The following XRN2 variants were observed in gnomAD, a reference collection of about 807,000 sequenced individuals.
XRN2 encodes the protein 5'-3' exoribonuclease 2.
XRN2 carries 44 observed loss-of-function variants against 138.5 expected under a neutral mutation model. The observed-to-expected ratio is 0.32, with a 90% CI of 0.25 to 0.41. The LOEUF is 0.41. Among genes scored for constraint, XRN2 ranks in the 10% least tolerant of loss-of-function variants. The pLI is 1.00. For missense variants in XRN2, 937 were observed against 1,169.3 expected, an observed-to-expected ratio of 0.80 and a Z score of 2.90; for synonymous variants, 354 against 369.4, an observed-to-expected ratio of 0.96 and a Z score of 0.48.
rs1251483812 is a variant in XRN2, at chr20:21,389,257, T to C, written c.2788-16T>C. ...ATCGGTCCAGAAAATAAACTCTTTCTTTTGTTTATTTTCAGGGATATCCCA... is the reference window on the plus strand; with the variant it reads ...ATCGGTCCAGAAAATAAACTCTTTCCTTTGTTTATTTTCAGGGATATCCCA... On this transcript the variant is annotated splice_polypyrimidine_tract_variant and intron_variant, in intron 29 of 29. Coordinates refer to ENST00000377191, the MANE Select transcript of XRN2 (RefSeq NM_012255.5). The C allele has an allele frequency of 1.9e-6, 3 of 1,608,880 alleles. No individual in the cohort carries two copies. In the African/African-American group the frequency reaches 4.0e-5, roughly 22 times the overall value.
intron 13 of XRN2, 110 bp downstream of exon 13, chr20:21,334,295 T>C (rs2038256447): frequency 1.2e-6 from 1 of 847,194 alleles, no homozygotes; most frequent in South Asian, 1.7e-5. Context: ...CATTATGGTG[T>C]GTCAACACTA....
chr20:21,303,346 T>C lies in XRN2; in HGVS notation c.-53T>C. 5 of 1,536,862 alleles carry C rather than the reference T, an allele frequency of 3.3e-6. No homozygotes were observed. The highest frequency in any genetic ancestry group is 1.2e-5 in the South Asian group (1 of 82,766). On this transcript the variant is annotated 5_prime_UTR_variant, in exon 1 of 30. Coordinates refer to ENST00000377191, the MANE Select transcript of XRN2 (RefSeq NM_012255.5). ...GGTGCCCTCTGCCGCTGCTCCCGTCTCTTTGGTTACGCTCGTCAGCCGGTC... is the reference window on the plus strand; with the variant it reads ...GGTGCCCTCTGCCGCTGCTCCCGTCCCTTTGGTTACGCTCGTCAGCCGGTC...
At position 21,357,716 on chromosome 20, in the gene XRN2, C is replaced by T. The variant is rs1213642472; in HGVS notation, c.2199-20C>T. 11 of 1,571,360 alleles carry T rather than the reference C, an allele frequency of 7.0e-6. No homozygotes were observed. In the African/African-American group the frequency reaches 1.1e-4, roughly 16 times the overall value. ...GGTTACAGTTTACAGAGAGATGTTT[C>T]TTCTCTTGTTTCCTTCTAGAATAGT... On this transcript the variant is annotated intron_variant, in intron 23 of 29. Coordinates refer to ENST00000377191, the MANE Select transcript of XRN2 (RefSeq NM_012255.5).
chr20:21,350,832 T>C (rs1013203127), intron 20 of XRN2, among the ~76,000 whole-genome samples: 1 of 152,136 alleles, frequency 6.6e-6, no homozygotes, highest in Non-Finnish European at 1.5e-5. Context: ...AGCAGAAATA[T>C]CATATCGCTT....
intron 13 of XRN2, among the ~76,000 whole-genome samples, chr20:21,338,383 A>G (rs550184672): frequency 6.6e-5 from 10 of 152,328 alleles, no homozygotes; most frequent in Admixed American, 2.0e-4. Context: ...GGGGGAAAGA[A>G]TCAACGTGGG....
rs1344599384 is a variant in XRN2 at position 21,305,791 on chromosome 20, G to T, written c.75+2318G>T. On this transcript the variant is annotated intron_variant, in intron 1 of 29. Coordinates refer to ENST00000377191, the MANE Select transcript of XRN2 (RefSeq NM_012255.5). ...GACGGAGCCTCGCTCTGTCTCCCAG[G>T]CTGGAGTGCAGTGGCTCAATCAATC... is the stretch of plus-strand genomic sequence containing the variant. Among the ~76,000 whole-genome samples, 18 of 64,186 alleles carry T rather than the reference G, an allele frequency of 2.8e-4. 6 individuals are homozygous for T. In the East Asian group the frequency reaches 0.015, roughly 52 times the overall value. 42.1% of individuals were successfully genotyped at this position (64,186 alleles called of 152,430 possible).
chr20:21,330,548 T>C lies in XRN2; in HGVS notation c.486+9T>C. On this transcript the variant is annotated intron_variant, in intron 5 of 29. Transcript: ENST00000377191. The stretch of plus-strand genomic sequence containing the variant: ...GCAACTGTATTACACCAGTAAGTAG[T>C]CTCATACTTTGCTAGCTATTGCTAA... 1 of 1,613,846 alleles carries C rather than the reference T, an allele frequency of 6.2e-7. No individual in the cohort carries two copies. The highest frequency in any genetic ancestry group is 2.2e-5 in the East Asian group (1 of 44,826).
intron 26 of XRN2, among the ~76,000 whole-genome samples, chr20:21,366,154 A>AT (rs1555787374): frequency 2.9e-5 from 1 of 34,790 alleles, no homozygotes; most frequent in Non-Finnish European, 4.3e-5. Flanking sequence ...ATAAATATAT[A>AT]TTTATAGTTT....
Position 21,333,796 on chromosome 20 carries a change from G to A in XRN2, c.1026G>A (p.Val342=). 6.2e-7 allele frequency: 1 copy of A among 1,614,126 alleles called. No individual in the cohort carries two copies. Among genetic ancestry groups the A allele is most frequent in the Non-Finnish European group, 8.5e-7 (1 of 1,180,004 alleles). ...IDDWVFMCFF[V]GNDFLPHLPS... Reference sequence around the variant, plus strand: ...ACTGGGTTTTCATGTGCTTCTTTGTGGGAAATGACTTCCTCCCTCATTTGC... The same window carrying A: ...ACTGGGTTTTCATGTGCTTCTTTGTAGGAAATGACTTCCTCCCTCATTTGC... The change falls in exon 11 of 30, where the codon GTG becomes GTA. Residue 342 remains valine, a synonymous_variant. Coordinates refer to ENST00000377191, the MANE Select transcript of XRN2 (RefSeq NM_012255.5).
chr20:21,344,038 A>T (rs549732919), intron 15 of XRN2, 52 bp from the exon 16 acceptor site: 7 of 1,377,210 alleles, frequency 5.1e-6, no homozygotes, highest in Non-Finnish European at 7.2e-6. Context: ...GTACCTTCTT[A>T]TGTAAAATGA....
In XRN2 at chr20:21,314,354, A is replaced by G. The variant is rs543527557; in HGVS notation, c.75+10881A>G. On this transcript the variant is annotated intron_variant, in intron 1 of 29. Coordinates refer to ENST00000377191, the MANE Select transcript of XRN2 (RefSeq NM_012255.5). Reference sequence around the variant, plus strand: ...TTTGTCTGTTGATAAACATTTGAACAGTTTCTATGTTTTGGCTATTATGAA... The same window carrying G: ...TTTGTCTGTTGATAAACATTTGAACGGTTTCTATGTTTTGGCTATTATGAA... Among the ~76,000 whole-genome samples the G allele has an allele frequency of 4.6e-5, 7 of 152,352 alleles. No individual in the cohort carries two copies. In the South Asian group the frequency reaches 1.0e-3, roughly 23 times the overall value.
At chr20:21,340,325 A>T (rs2038354921) in intron 14 of XRN2, among the ~76,000 whole-genome samples, 1 of 152,164 alleles carries the variant, frequency 6.6e-6, no homozygotes, top group African/African-American at 2.4e-5. Flanking sequence ...AAAAAGTTGT[A>T]TTTCCTAAGT....
intron 1 of XRN2, among the ~76,000 whole-genome samples, chr20:21,319,313 A>T (rs1326481420): frequency 6.6e-6 from 1 of 152,110 alleles, no homozygotes; most frequent in East Asian, 1.9e-4. Context: ...GCAGAGTTAG[A>T]TCATGTTTTT....
At chr20:21,350,521 G>T in intron 20 of XRN2, among the ~76,000 whole-genome samples, 1 of 60,138 alleles carries the variant, frequency 1.7e-5, no homozygotes, top group East Asian at 4.9e-4. Context: ...GCAAGACTCC[G>T]TCTCAAAAAA....
rs534559882 is a variant in XRN2, at chr20:21,358,525, A to T, written c.2255+733A>T. 6.6e-5 allele frequency among the ~76,000 whole-genome samples: 10 copies of T among 152,314 alleles called. No homozygotes were observed. The East Asian group carries it at 1.9e-3, about 29-fold the overall frequency. On this transcript the variant is annotated intron_variant, in intron 24 of 29. Coordinates refer to ENST00000377191, the MANE Select transcript of XRN2 (RefSeq NM_012255.5). ...CACATCTCAGGTATTCAAGAATTTG[A>T]TAAAAGCCTGCTAATCCTGAATCCT...
intron 13 of XRN2, 96 bp from the exon 14 acceptor site, chr20:21,338,948 A>T: frequency 8.1e-7 from 1 of 1,234,618 alleles, no homozygotes; most frequent in Non-Finnish European, 1.2e-6. Context: ...GTCGTCCTTT[A>T]AAACTTAAGT....
intron 29 of XRN2, among the ~76,000 whole-genome samples, chr20:21,387,332 G>A (rs573694687): frequency 7.9e-5 from 12 of 152,138 alleles, no homozygotes; most frequent in African/African-American, 2.9e-4. Context: ...ATAGAACCTA[G>A]ATCCCTCTTA....
intron 13 of XRN2, among the ~76,000 whole-genome samples, chr20:21,335,950 A>T (rs1386513055): frequency 6.6e-6 from 1 of 152,110 alleles, no homozygotes; most frequent in Non-Finnish European, 1.5e-5. Context: ...ACCAGGGGAA[A>T]CCCTCAAAAA....
intron 16 of XRN2, among the ~76,000 whole-genome samples, chr20:21,345,107 A>G (rs935701514): frequency 6.6e-6 from 1 of 151,906 alleles, no homozygotes; most frequent in Non-Finnish European, 1.5e-5. Flanking sequence ...TTGAACATTT[A>G]CTCTGTATAT....
Sources: allele counts gnomAD v4.1 joint callset (sites outside exome capture counted in the v4.1 genomes callset), GRCh38; gene constraint gnomAD v4.1.1; transcripts MANE v1.5; gene names NCBI Gene and HGNC (gene_info 2026-07-23, HGNC 2026-07-21).